Variants in GREB1 observed in about 807,000 individuals in gnomAD.
The protein encoded by GREB1 is protein GREB1.
In GREB1, 106 loss-of-function variants were observed where a neutral mutation model predicts 200.7. The observed-to-expected ratio is 0.53, with a 90% CI of 0.45 to 0.62. The LOEUF is 0.62. GREB1 is among the 20% of genes least tolerant of loss of function. The pLI, the probability that GREB1 is intolerant of heterozygous loss-of-function variation, is 0.00. For synonymous variants in GREB1, 1,132 were observed against 1,092.4 expected (o/e 1.04, Z -0.72); for missense variants, 2,243 against 2,556.8 (o/e 0.88, Z 2.65).
chr2:11,618,529 G>A lies in GREB1; in HGVS notation c.3654G>A (p.Ser1218=), dbSNP rs370883365. The A allele has an allele frequency of 4.0e-5, 64 of 1,612,192 alleles. No individual in the cohort carries two copies. In the Middle Eastern group the frequency reaches 4.9e-4, roughly 12 times the overall value. Residue 1218 remains serine (S), a synonymous_variant, in exon 22 of 33, where the codon TCG becomes TCA. Transcript: ENST00000381486. ...GCGTCCAGGTGTCGGTCACCTCGTC[G>A]TGCTCCCAGCTGTCCTCCTCCTCGG... ...QRSVQVSVTS[S]CSQLSSSSGS...
intron 28 of GREB1, 86 bp from the exon 29 acceptor site, chr2:11,634,045 A>C (rs1685107298): frequency 7.9e-7 from 1 of 1,261,824 alleles, no homozygotes; most frequent in South Asian, 1.3e-5. Context: ...CGGCAGTCTG[A>C]GAGCCGGTGC....
intron 1 of GREB1, among the ~76,000 whole-genome samples, chr2:11,495,898 T>C (rs544725963): frequency 1.3e-5 from 2 of 151,694 alleles, no homozygotes; most frequent in South Asian, 4.2e-4. Flanking sequence ...TGTGAGTCTG[T>C]GCGTGGCGCT....
At position 11,632,071 on chromosome 2, in the gene GREB1, A is replaced by G. The variant is rs1558666057; in HGVS notation, c.4774A>G (p.Ile1592Val). ...TTATAAGAAATATTGGCCCAACCAC[A>G]TCATGCTGGTGCTCCCCAGTATCTT... is the stretch of plus-strand genomic sequence containing the variant. ...AIYKKYWPNH[I>V]MLVLPSIFNS... The change falls in exon 27 of 33, where the codon ATC (isoleucine) becomes GTC (valine). Residue 1592 changes from isoleucine to valine, a missense_variant. Physicochemically the swap from Ile to Val is conservative, Grantham distance 29. Transcript: ENST00000381486. 2 of 1,613,972 alleles carry G rather than the reference A, an allele frequency of 1.2e-6. No individual in the cohort carries two copies. The highest frequency in any genetic ancestry group is 1.7e-6 in the Non-Finnish European group (2 of 1,179,984).
intron 1 of GREB1, among the ~76,000 whole-genome samples, chr2:11,552,474 T>G (rs926606026): frequency 6.6e-6 from 1 of 152,204 alleles, no homozygotes; most frequent in Non-Finnish European, 1.5e-5. Context: ...ATTGAAGCTT[T>G]AGTGTGTGAC....
chr2:11,551,767 A>G (rs548950484), intron 1 of GREB1, among the ~76,000 whole-genome samples: 4 of 152,182 alleles, frequency 2.6e-5, no homozygotes, highest in Admixed American at 2.6e-4. Flanking sequence ...ATTCCCGGTC[A>G]TGGAACCAAG....
At chr2:11,502,888 C>A (rs1280290564) in intron 1 of GREB1, among the ~76,000 whole-genome samples, 1 of 152,020 alleles carries the variant, frequency 6.6e-6, no homozygotes, top group Non-Finnish European at 1.5e-5. Context: ...GGAATGGGAG[C>A]TTAGAAAGCC....
intron 17 of GREB1, among the ~76,000 whole-genome samples, chr2:11,603,576 G>A (rs1312332670): frequency 6.6e-6 from 1 of 152,236 alleles, no homozygotes; most frequent in East Asian, 1.9e-4. Context: ...AGTAGCTCGT[G>A]GGACTAGAAT....
rs1163795385 is a variant in GREB1, at chr2:11,585,380, G to A, written c.1015+106G>A. On this transcript the variant is annotated intron_variant, in intron 8 of 32. Transcript: ENST00000381486. ...TGTGTGCGTGCGCACGAGTGTGAAT[G>A]TGCGTGTGTACTGATGAGGGAGTTC... 7.4e-6 allele frequency: 5 copies of A among 679,756 alleles called. No homozygotes were observed. The Admixed American group carries it at 1.0e-4, about 14-fold the overall frequency. 42.1% of individuals were successfully genotyped at this position (679,756 alleles called of 1,614,324 possible).
chr2:11,594,677 A>C (rs1203580729), intron 11 of GREB1, among the ~76,000 whole-genome samples: 1 of 118,248 alleles, frequency 8.5e-6, no homozygotes, highest in South Asian at 2.6e-4. Context: ...TCTTAAACCC[A>C]TTCTGTGTTT....
intron 18 of GREB1, 113 bp downstream of exon 18, chr2:11,611,140 C>T: frequency 1.1e-6 from 1 of 873,242 alleles, no homozygotes; most frequent in Non-Finnish European, 1.7e-6. Context: ...ACGTGGCTTC[C>T]CTAGACCCAG....
In GREB1 at chr2:11,626,893, T is replaced by C. The variant is rs1684503939; in HGVS notation, c.4307-69T>C. 1.9e-6 allele frequency: 3 copies of C among 1,552,584 alleles called. No homozygotes were observed. The African/African-American group carries it at 4.1e-5, about 21-fold the overall frequency. ...GTCATTTGAGCATTTTTGGTTTCTG[T>C]TTGAGCAGGCAGGGGATAATGTTTG... On this transcript the variant is annotated intron_variant, in intron 24 of 32. Transcript: ENST00000381486.
intron 1 of GREB1, among the ~76,000 whole-genome samples, chr2:11,490,714 A>T (rs1672757874): frequency 6.6e-6 from 1 of 151,870 alleles, no homozygotes; most frequent in African/African-American, 2.4e-5. Context: ...ACGCCCGGCT[A>T]ATTTTTGTAT....
At chr2:11,596,953 G>A (rs570338127) in intron 13 of GREB1, among the ~76,000 whole-genome samples, 22 of 151,698 alleles carry the variant, frequency 1.5e-4, no homozygotes, top group African/African-American at 5.1e-4. Context: ...GGTGTGCACC[G>A]TGAGAGTGGG....
intron 23 of GREB1, among the ~76,000 whole-genome samples, chr2:11,623,325 G>C (rs1684160061): frequency 6.6e-6 from 1 of 152,174 alleles, no homozygotes; most frequent in African/African-American, 2.4e-5. Flanking sequence ...ACTGTTACTG[G>C]TTTTATGTAT....
chr2:11,628,954 TC>T (rs781002647), intron 25 of GREB1, among the ~76,000 whole-genome samples: 4 of 152,184 alleles, frequency 2.6e-5, no homozygotes, highest in Non-Finnish European at 4.4e-5. Flanking sequence ...GGCTGCCCTC[TC>T]CATGTGGCCT....
intron 1 of GREB1, among the ~76,000 whole-genome samples, chr2:11,544,495 C>T (rs753760100): frequency 1.3e-5 from 2 of 152,056 alleles, no homozygotes; most frequent in South Asian, 2.1e-4. Flanking sequence ...GGATTACAGC[C>T]GTGAGCCACT....
At chr2:11,564,275 G>T (rs180910854) in intron 3 of GREB1, among the ~76,000 whole-genome samples, 1 of 152,250 alleles carries the variant, frequency 6.6e-6, no homozygotes, top group African/African-American at 2.4e-5. Context: ...GAGGGACTCG[G>T]CCCTCGATGG....
At chr2:11,553,787 C>T (rs138164727) in intron 1 of GREB1, among the ~76,000 whole-genome samples, 54 of 152,262 alleles carry the variant, frequency 3.5e-4, no homozygotes, top group African/African-American at 1.3e-3. Flanking sequence ...CATGTCCCTT[C>T]GCTGCTGGAG....
At chr2:11,609,451 T>C (rs1682723099) in intron 17 of GREB1, among the ~76,000 whole-genome samples, 1 of 152,018 alleles carries the variant, frequency 6.6e-6, no homozygotes. Flanking sequence ...GTATTTTTAG[T>C]AGAGGCAGGG....
Sources: gnomAD v4.1 joint callset for allele counts (sites outside exome capture counted in the v4.1 genomes callset) on GRCh38, gnomAD v4.1.1 for gene constraint, MANE v1.5 for transcripts, NCBI Gene and HGNC (gene_info 2026-07-23, HGNC 2026-07-21) for gene names.